Variants in MIPEP observed in about 807,000 individuals in gnomAD.
The protein encoded by MIPEP is mitochondrial intermediate peptidase.
In MIPEP, 79 loss-of-function variants were observed where a neutral mutation model predicts 90.3. That is an observed-to-expected ratio of 0.87 (90% CI 0.73 to 1.05). The LOEUF (loss-of-function observed/expected upper bound fraction) is 1.05, where lower values mean the gene tolerates loss of function less well. Ranked by LOEUF, MIPEP falls within the 50% of genes least tolerant of loss-of-function variation. The pLI is 0.00. For missense variants in MIPEP, 940 were observed against 905.6 expected, an observed-to-expected ratio of 1.04 and a Z score of -0.49; for synonymous variants, 334 against 315.8, an observed-to-expected ratio of 1.06 and a Z score of -0.61.
At chr13:23,867,770 T>C (rs1194521387) in intron 7 of MIPEP, among the ~76,000 whole-genome samples, 6 of 152,170 alleles carry the variant, frequency 3.9e-5, no homozygotes, top group Admixed American at 6.5e-5. Flanking sequence ...ACCATAAATG[T>C]AGCATATGTG....
chr13:23,831,383 C>CGGGGGGGGGGGGGGGGG (rs1555237542), intron 14 of MIPEP, among the ~76,000 whole-genome samples: 5 of 40,918 alleles, frequency 1.2e-4, no homozygotes, highest in African/African-American at 2.5e-4. Flanking sequence ...TTCCCCATGG[C>CGGGGGGGGGGGGGGGGG]GGGGGGGGGA....
chr13:23,795,842 A>AT (rs1952952567), intron 16 of MIPEP, among the ~76,000 whole-genome samples: 1 of 148,680 alleles, frequency 6.7e-6, no homozygotes, highest in African/African-American at 2.5e-5. Flanking sequence ...AAAAAAAAAA[A>AT]GCTGGGAGTG....
intron 16 of MIPEP, among the ~76,000 whole-genome samples, chr13:23,781,152 T>G (rs1952778528): frequency 6.6e-6 from 1 of 152,096 alleles, no homozygotes; most frequent in South Asian, 2.1e-4. Context: ...CACATAATTA[T>G]CAGATTCACC....
intron 16 of MIPEP, among the ~76,000 whole-genome samples, chr13:23,796,582 T>TA (rs5802254): frequency 0.25 from 36,341 of 143,518 alleles, 5,189 homozygotes; most frequent in African/African-American, 0.41. Flanking sequence ...TTGGGACTAC[T>TA]AAAAAAAAAA....
intron 16 of MIPEP, among the ~76,000 whole-genome samples, chr13:23,771,257 C>T (rs1042897178): frequency 2.6e-5 from 4 of 152,244 alleles, no homozygotes; most frequent in Middle Eastern, 3.4e-3. Context: ...TGCTGGTCCT[C>T]GGGATGGTCC....
intron 14 of MIPEP, among the ~76,000 whole-genome samples, chr13:23,829,884 G>C (rs1341700642): frequency 6.6e-6 from 1 of 152,208 alleles, no homozygotes; most frequent in Non-Finnish European, 1.5e-5. Flanking sequence ...GAACACTGCT[G>C]CTAATTAAGA....
intron 16 of MIPEP, among the ~76,000 whole-genome samples, chr13:23,792,027 C>G (rs905377513): frequency 2.0e-5 from 3 of 152,186 alleles, no homozygotes; most frequent in Non-Finnish European, 4.4e-5. Context: ...CAGTTGGTTC[C>G]AAGACATTAC....
Position 23,841,354 on chromosome 13 carries a change from C to T in MIPEP, c.1241G>A (p.Ser414Asn), listed in dbSNP as rs1566013760. The stretch of plus-strand genomic sequence containing the variant: ...GCTCACCAGTTTTCGGACATCTTCG[C>T]TCCACACCTCTCCTTTTGCAGGCTG... Reference protein sequence around the residue: ...AEQPAKGEVWSEDVRKLAVVH... With the variant: ...AEQPAKGEVWNEDVRKLAVVH... Residue 414 changes from serine (S) to asparagine (N), a missense_variant, in exon 11 of 19, where the codon AGC (serine) becomes AAC (asparagine). Physicochemically the swap from Ser to Asn is conservative, Grantham distance 46. Transcript: ENST00000382172. The T allele has an allele frequency of 1.9e-6, 3 of 1,612,944 alleles. No homozygotes were observed. Among genetic ancestry groups the T allele is most frequent in the African/African-American group, 1.3e-5 (1 of 74,846 alleles).
intron 16 of MIPEP, among the ~76,000 whole-genome samples, chr13:23,780,544 C>T (rs186001210): frequency 4.6e-5 from 7 of 151,816 alleles, no homozygotes; most frequent in African/African-American, 1.2e-4. Context: ...AAAATCAGAG[C>T]GCCTCTCCCC....
intron 18 of MIPEP, among the ~76,000 whole-genome samples, chr13:23,754,969 A>G (rs1486290949): frequency 2.0e-5 from 3 of 152,348 alleles, no homozygotes; most frequent in East Asian, 3.9e-4. Flanking sequence ...TCCTGGTTCA[A>G]TCCCTGGCTC....
intron 4 of MIPEP, among the ~76,000 whole-genome samples, chr13:23,875,322 A>C (rs1465430517): frequency 6.6e-6 from 1 of 152,098 alleles, no homozygotes; most frequent in Admixed American, 6.5e-5. Flanking sequence ...AAATCCCAAT[A>C]ATTAAAAACA....
chr13:23,779,020 C>A (rs182768211), intron 16 of MIPEP, among the ~76,000 whole-genome samples: 1 of 152,194 alleles, frequency 6.6e-6, no homozygotes, highest in East Asian at 1.9e-4. Flanking sequence ...CTTTCTCAAT[C>A]CTTTCTTGTT....
intron 14 of MIPEP, among the ~76,000 whole-genome samples, chr13:23,834,247 G>C (rs1329445618): frequency 6.6e-6 from 1 of 152,150 alleles, no homozygotes; most frequent in Non-Finnish European, 1.5e-5. Flanking sequence ...TGATTTTCTT[G>C]AAGTAAAAAT....
rs1871479692 is a variant in MIPEP at position 23,886,345 on chromosome 13, T to C, written c.351A>G (p.Arg117=). Residue 117 remains arginine (R), a synonymous_variant, in exon 2 of 19, where the codon AGA becomes AGG. Transcript: ENST00000382172. ...IFDELSDSLC[R]VADLADFVKI... is the part of the protein sequence containing the mutation. ...TAAAGCACCTTACCAAGTCGGCCAC[T>C]CTGCATAAGGAATCCGAGAGCTCAT... The C allele has an allele frequency of 6.5e-7, 1 of 1,549,066 alleles. No homozygotes were observed. The highest frequency in any genetic ancestry group is 8.7e-7 in the Non-Finnish European group (1 of 1,147,330).
intron 18 of MIPEP, among the ~76,000 whole-genome samples, chr13:23,742,646 T>C (rs1422536856): frequency 6.6e-6 from 1 of 152,238 alleles, no homozygotes; most frequent in Non-Finnish European, 1.5e-5. Flanking sequence ...AACATTGATC[T>C]GTGATTAAAT....
intron 16 of MIPEP, among the ~76,000 whole-genome samples, chr13:23,791,373 C>T (rs1230314019): frequency 6.6e-6 from 1 of 152,138 alleles, no homozygotes; most frequent in African/African-American, 2.4e-5. Flanking sequence ...GCCATCTCTC[C>T]CACTCTCCTT....
At chr13:23,792,077 T>C (rs1952902576) in intron 16 of MIPEP, among the ~76,000 whole-genome samples, 1 of 152,196 alleles carries the variant, frequency 6.6e-6, no homozygotes, top group African/African-American at 2.4e-5. Flanking sequence ...TCCCTCTCAA[T>C]TCACCTTTTT....
chr13:23,881,421 A>G (rs914377523), intron 3 of MIPEP, among the ~76,000 whole-genome samples: 1 of 152,060 alleles, frequency 6.6e-6, no homozygotes. Flanking sequence ...CTCATTTAAC[A>G]CTCACAAGGA....
intron 2 of MIPEP, 33 bp downstream of exon 2, chr13:23,886,300 A>AG (rs1194847787): frequency 2.1e-6 from 3 of 1,399,942 alleles, no homozygotes. Context: ...GTTGAAAGAG[A>AG]GGTAGCTTCA....
Sources: allele counts gnomAD v4.1 joint callset (sites outside exome capture counted in the v4.1 genomes callset), GRCh38; gene constraint gnomAD v4.1.1; transcripts MANE v1.5; gene names NCBI Gene and HGNC (gene_info 2026-07-23, HGNC 2026-07-21).